CCSER1: variants seen among roughly 807,000 people sequenced by gnomAD.
The protein encoded by CCSER1 is coiled-coil serine rich protein 1.
Under a neutral mutation model 82.0 loss-of-function variants are expected in CCSER1, and 41 were observed. That is an observed-to-expected ratio of 0.50 (90% CI 0.39 to 0.65). The LOEUF is 0.65. Ranked by LOEUF, CCSER1 falls within the 30% of genes least tolerant of loss-of-function variation. The pLI is 0.00. For synonymous variants in CCSER1, 414 were observed against 383.9 expected, an observed-to-expected ratio of 1.08 and a Z score of -0.92; for missense variants, 1,119 against 1,064.2, an observed-to-expected ratio of 1.05 and a Z score of -0.72.
chr4:90,476,467 A>G (rs1362187595), intron 5 of CCSER1, among the ~76,000 whole-genome samples: 2 of 152,116 alleles, frequency 1.3e-5, no homozygotes, highest in African/African-American at 4.8e-5. Flanking sequence ...CTTGGTGGAA[A>G]GGCAGCCGGC....
At chr4:90,786,757 G>A (rs1385109020) in intron 7 of CCSER1, among the ~76,000 whole-genome samples, 1 of 152,158 alleles carries the variant, frequency 6.6e-6, no homozygotes, top group Non-Finnish European at 1.5e-5. Context: ...CAGAGCAGCA[G>A]ACACCAGCTG....
chr4:90,865,640 TA>T (rs1765643577), intron 8 of CCSER1, among the ~76,000 whole-genome samples: 1 of 152,194 alleles, frequency 6.6e-6, no homozygotes, highest in South Asian at 2.1e-4. Context: ...TATATCCTCC[TA>T]TTTTTTTGCC....
chr4:90,985,003 G>C (rs1265939402), intron 9 of CCSER1, among the ~76,000 whole-genome samples: 1 of 151,740 alleles, frequency 6.6e-6, no homozygotes, highest in African/African-American at 2.4e-5. Context: ...AGCAGGAAAG[G>C]CGAAGGCAGA....
intron 8 of CCSER1, among the ~76,000 whole-genome samples, chr4:90,838,029 TTTA>T (rs140559287): frequency 0.065 from 9,841 of 152,092 alleles, 637 homozygotes; most frequent in African/African-American, 0.17. Context: ...TTCTGTACAC[TTTA>T]TTGTTTATTT....
intron 7 of CCSER1, among the ~76,000 whole-genome samples, chr4:90,758,483 A>G (rs1370132782): frequency 6.6e-6 from 1 of 152,158 alleles, no homozygotes; most frequent in Non-Finnish European, 1.5e-5. Context: ...ATAGGTGATC[A>G]TTTCTTTGGG....
intron 6 of CCSER1, among the ~76,000 whole-genome samples, chr4:90,669,840 A>G (rs1220193364): frequency 1.3e-5 from 2 of 152,136 alleles, no homozygotes; most frequent in Non-Finnish European, 2.9e-5. Context: ...GAGAAAAAAG[A>G]GCTCTAAAAT....
chr4:90,631,311 A>G (rs1724378798), intron 6 of CCSER1, among the ~76,000 whole-genome samples: 1 of 152,188 alleles, frequency 6.6e-6, no homozygotes, highest in African/African-American at 2.4e-5. Context: ...TTGGTTTGTT[A>G]CATGAGTATT....
At chr4:91,379,699 G>C (rs1268077022) in intron 10 of CCSER1, among the ~76,000 whole-genome samples, 1 of 151,948 alleles carries the variant, frequency 6.6e-6, no homozygotes, top group African/African-American at 2.4e-5. Flanking sequence ...AAAAAACCAG[G>C]TCCTGGATTC....
intron 10 of CCSER1, among the ~76,000 whole-genome samples, chr4:91,555,549 A>G (rs1762359695): frequency 6.6e-6 from 1 of 151,084 alleles, no homozygotes; most frequent in African/African-American, 2.4e-5. Flanking sequence ...GTGAGGATAT[A>G]TAATTTATAC....
chr4:90,410,243 A>C (rs1754485871), intron 4 of CCSER1, among the ~76,000 whole-genome samples: 1 of 152,176 alleles, frequency 6.6e-6, no homozygotes, highest in Non-Finnish European at 1.5e-5. Flanking sequence ...GTTAGCAAGG[A>C]TATCCAGCAA....
At chr4:90,667,063 G>A (rs1731926131) in intron 6 of CCSER1, among the ~76,000 whole-genome samples, 1 of 152,178 alleles carries the variant, frequency 6.6e-6, no homozygotes, top group Non-Finnish European at 1.5e-5. Context: ...GAGTGGTAGA[G>A]TTAACACCGA....
chr4:91,136,138 C>CA, intron 10 of CCSER1, among the ~76,000 whole-genome samples: 1 of 152,284 alleles, frequency 6.6e-6, no homozygotes. Context: ...TCTGATGTCC[C>CA]TGAACCTTCC....
intron 10 of CCSER1, among the ~76,000 whole-genome samples, chr4:91,591,349 T>C (rs765780343): frequency 3.9e-5 from 6 of 152,136 alleles, no homozygotes; most frequent in Non-Finnish European, 8.8e-5. Context: ...ATAGGGACAA[T>C]GGCTTCTTGA....
intron 6 of CCSER1, among the ~76,000 whole-genome samples, chr4:90,671,629 G>A (rs1343355157): frequency 6.6e-6 from 1 of 151,900 alleles, no homozygotes; most frequent in Non-Finnish European, 1.5e-5. Context: ...ATTTATGAGG[G>A]TTGGAATCCA....
chr4:91,138,476 A>C, intron 10 of CCSER1, among the ~76,000 whole-genome samples: 1 of 33,434 alleles, frequency 3.0e-5, no homozygotes, highest in African/African-American at 9.5e-5. Context: ...CTAAAACCAT[A>C]AAAACCCTAG....
At chr4:90,644,156 G>C (rs1727064942) in intron 6 of CCSER1, among the ~76,000 whole-genome samples, 1 of 152,098 alleles carries the variant, frequency 6.6e-6, no homozygotes, top group Admixed American at 6.6e-5. Context: ...AAACACTTAG[G>C]ATCAGAAGTG....
chr4:90,516,337 G>T (rs1431913177), intron 5 of CCSER1, among the ~76,000 whole-genome samples: 1 of 152,072 alleles, frequency 6.6e-6, no homozygotes, highest in East Asian at 1.9e-4. Flanking sequence ...TATTTTATGG[G>T]GATTCATTTA....
intron 10 of CCSER1, among the ~76,000 whole-genome samples, chr4:91,560,048 GAATA>G (rs1203190612): frequency 6.6e-6 from 1 of 151,344 alleles, no homozygotes; most frequent in Non-Finnish European, 1.5e-5. Context: ...ATTGGATAAT[GAATA>G]AATAGATAAA....
intron 6 of CCSER1, among the ~76,000 whole-genome samples, chr4:90,650,999 G>T (rs564680530): frequency 2.0e-4 from 31 of 152,290 alleles, no homozygotes; most frequent in African/African-American, 7.0e-4. Context: ...TGCCTTTGGG[G>T]AAGTTATTTA....
Sources: allele counts gnomAD v4.1 joint callset (sites outside exome capture counted in the v4.1 genomes callset), GRCh38; gene constraint gnomAD v4.1.1; transcripts MANE v1.5; gene names NCBI Gene and HGNC (gene_info 2026-07-23, HGNC 2026-07-21).